The following CLVS1 variants were observed in gnomAD, a reference collection of about 807,000 sequenced individuals.
CLVS1 encodes clavesin-1.
CLVS1 carries 10 observed loss-of-function variants against 33.1 expected under a neutral mutation model. The ratio of observed to expected loss-of-function variants is 0.30; its 90% CI spans 0.19 to 0.51. The LOEUF (loss-of-function observed/expected upper bound fraction) is 0.51, where lower values mean the gene tolerates loss of function less well. Ranked by LOEUF, CLVS1 falls within the 20% of genes least tolerant of loss-of-function variation. CLVS1 has a pLI of 0.97. For synonymous variants in CLVS1, 163 were observed against 166.1 expected (o/e 0.98, Z 0.14); for missense variants, 343 against 433.4 (o/e 0.79, Z 1.85).
In CLVS1 at chr8:61,376,717, T is replaced by G; in HGVS notation, c.568T>G (p.Ser190Ala). 2 of 1,614,180 alleles carry G rather than the reference T, an allele frequency of 1.2e-6. No individual in the cohort carries two copies. The highest frequency in any genetic ancestry group is 1.7e-6 in the Non-Finnish European group (2 of 1,180,006). The stretch of plus-strand genomic sequence containing the variant: ...TTTAATTATAGACTGGAGTAATTTT[T>G]CCTTCAAACAAGCCTCCAAACTGAC... ...FILIIDWSNF[S>A]FKQASKLTPS... The change falls in exon 3 of 6, where the codon TCC (serine) becomes GCC (alanine). Residue 190 changes from serine to alanine, a missense_variant. By Grantham distance (99) the Ser-to-Ala change is moderately conservative. This residue lies in a region of CLVS1 where 166 missense variants were observed against 244.0 expected (regional missense o/e 0.68). Coordinates refer to ENST00000325897, the MANE Select transcript of CLVS1 (RefSeq NM_173519.3).
chr8:61,209,127 C>A (rs956091758), intron 2 of CLVS1, among the ~76,000 whole-genome samples: 2 of 152,164 alleles, frequency 1.3e-5, no homozygotes, highest in African/African-American at 4.8e-5. Flanking sequence ...AAATATCAAC[C>A]TTTCTGCACA....
chr8:61,492,516 GT>G lies in CLVS1; in HGVS notation c.978-6932del, dbSNP rs528412437. On this transcript the variant is annotated intron_variant, in intron 5 of 5. Transcript: ENST00000325897. The stretch of plus-strand genomic sequence containing the variant: ...TTCCATCCTTTCTGAAGGTGCACAT[GT>G]TTTTTTGGGGGGGTCTTTCTTCTTT... Among the ~76,000 whole-genome samples, 85 of 152,206 alleles carry G rather than the reference GT, an allele frequency of 5.6e-4. 1 individual carries two copies. In the Middle Eastern group the frequency reaches 0.027, roughly 49 times the overall value.
chr8:61,243,649 G>T (rs1808743023), intron 2 of CLVS1, among the ~76,000 whole-genome samples: 2 of 152,208 alleles, frequency 1.3e-5, no homozygotes, highest in Middle Eastern at 6.8e-3. Flanking sequence ...TTGTATTCTG[G>T]TGATTTTTTA....
chr8:61,244,718 T>C (rs1306633204), intron 2 of CLVS1, among the ~76,000 whole-genome samples: 1 of 152,178 alleles, frequency 6.6e-6, no homozygotes, highest in Non-Finnish European at 1.5e-5. Context: ...ATAGTGGTTA[T>C]TTTGTGTGTG....
intron 2 of CLVS1, among the ~76,000 whole-genome samples, chr8:61,170,845 C>T (rs1806980785): frequency 6.6e-6 from 1 of 152,172 alleles, no homozygotes; most frequent in South Asian, 2.1e-4. Context: ...AATATACACA[C>T]AAGAGCATGT....
chr8:61,350,780 C>T (rs1812422704), intron 2 of CLVS1, among the ~76,000 whole-genome samples: 1 of 152,086 alleles, frequency 6.6e-6, no homozygotes, highest in South Asian at 2.1e-4. Flanking sequence ...TCCCAGTCAC[C>T]CGCACGGCAG....
chr8:61,253,317 T>C (rs1413344073), intron 2 of CLVS1, among the ~76,000 whole-genome samples: 2 of 152,228 alleles, frequency 1.3e-5, no homozygotes, highest in Non-Finnish European at 2.9e-5. Context: ...CTTCCCTTTA[T>C]GGGTAACCTG....
intron 1 of CLVS1, among the ~76,000 whole-genome samples, chr8:61,127,489 G>A (rs1239457497): frequency 6.6e-6 from 1 of 152,006 alleles, no homozygotes; most frequent in African/African-American, 2.4e-5. Flanking sequence ...CAAAGTGCTG[G>A]GATTACAGAC....
intron 5 of CLVS1, among the ~76,000 whole-genome samples, chr8:61,487,787 TA>T (rs573279567): frequency 6.6e-6 from 1 of 152,186 alleles, no homozygotes; most frequent in Non-Finnish European, 1.5e-5. Context: ...GTCATTTGAC[TA>T]AAAAAACATA....
chr8:61,375,368 A>C (rs1306380180), intron 2 of CLVS1, among the ~76,000 whole-genome samples: 1 of 151,360 alleles, frequency 6.6e-6, no homozygotes, highest in African/African-American at 2.4e-5. Context: ...CTCCTGCCTC[A>C]GCCTCCCAAG....
chr8:61,455,404 T>C (rs2129607065), intron 4 of CLVS1, among the ~76,000 whole-genome samples: 1 of 152,314 alleles, frequency 6.6e-6, no homozygotes, highest in East Asian at 1.9e-4. Flanking sequence ...TTCTATTCTA[T>C]ACTTCTATGA....
chr8:61,238,436 G>A (rs1355336278), intron 2 of CLVS1, among the ~76,000 whole-genome samples: 1 of 151,970 alleles, frequency 6.6e-6, no homozygotes, highest in Non-Finnish European at 1.5e-5. Context: ...CCCACAAAGA[G>A]ATAAGTTATT....
chr8:61,227,901 T>C (rs1453389218), intron 2 of CLVS1, among the ~76,000 whole-genome samples: 2 of 152,176 alleles, frequency 1.3e-5, no homozygotes, highest in East Asian at 3.8e-4. Context: ...ATTCATTGAA[T>C]AATGGAGCAG....
chr8:61,450,395 A>G, intron 3 of CLVS1, among the ~76,000 whole-genome samples: 1 of 152,348 alleles, frequency 6.6e-6, no homozygotes, highest in East Asian at 1.9e-4. Flanking sequence ...AAATCACCAT[A>G]AAATGATATT....
intron 2 of CLVS1, among the ~76,000 whole-genome samples, chr8:61,343,761 C>A (rs1812107203): frequency 6.6e-6 from 1 of 152,072 alleles, no homozygotes; most frequent in Admixed American, 6.5e-5. Flanking sequence ...CAGGGGACAC[C>A]TCTTAGAGGC....
At chr8:61,483,682 T>C (rs1563574913) in intron 5 of CLVS1, among the ~76,000 whole-genome samples, 1 of 152,196 alleles carries the variant, frequency 6.6e-6, no homozygotes, top group Non-Finnish European at 1.5e-5. Flanking sequence ...TGATGAACAT[T>C]GATGCAAAAA....
chr8:60,997,205 G>T, the CLVS1 span, among the ~76,000 whole-genome samples: 3 of 152,142 alleles, frequency 2.0e-5, no homozygotes, highest in Non-Finnish European at 2.9e-5. Flanking sequence ...CAGCTGCAGT[G>T]CGGAGAGGCC....
chr8:61,339,962 GAGAA>G lies in CLVS1; in HGVS notation c.456-36635_456-36632del, dbSNP rs529733018. On this transcript the variant is annotated intron_variant, in intron 2 of 5. Coordinates refer to ENST00000325897, the MANE Select transcript of CLVS1 (RefSeq NM_173519.3). ...AGAAAGAGAGGGGTAAAGGGAGTGAGAGAAAGAAAGAGAAAGAAAGTGAAAAAGA... is the reference window on the plus strand; with the variant it reads ...AGAAAGAGAGGGGTAAAGGGAGTGAGAGAAAGAGAAAGAAAGTGAAAAAGA... 1.0e-3 allele frequency among the ~76,000 whole-genome samples: 155 copies of G among 147,696 alleles called. 1 individual carries two copies. The highest frequency in any genetic ancestry group is 2.3e-3 in the African/African-American group (94 of 40,022).
At chr8:61,242,725 G>A (rs1178750025) in intron 2 of CLVS1, among the ~76,000 whole-genome samples, 1 of 151,996 alleles carries the variant, frequency 6.6e-6, no homozygotes, top group Non-Finnish European at 1.5e-5. Flanking sequence ...GGGGCATTGA[G>A]TGAGCTGCAG....
Sources: gnomAD v4.1 joint callset for allele counts (sites outside exome capture counted in the v4.1 genomes callset) on GRCh38, gnomAD v4.1.1 for gene constraint, gnomAD v4.1.1 regional missense constraint, MANE v1.5 for transcripts, NCBI Gene and HGNC (gene_info 2026-07-23, HGNC 2026-07-21) for gene names.